The following CCDC93 variants were observed in gnomAD, a reference collection of about 807,000 sequenced individuals.
CCDC93 encodes CCC complex scaffolding subunit CCDC93, also known as coiled-coil domain-containing protein 93.
CCDC93 carries 61 observed loss-of-function variants against 108.2 expected under a neutral mutation model. The ratio of observed to expected loss-of-function variants is 0.56; its 90% CI spans 0.46 to 0.70. The LOEUF is 0.70. Among genes scored for constraint, CCDC93 ranks in the 30% least tolerant of loss-of-function variants. The pLI is 0.00. For synonymous variants in CCDC93, 276 were observed against 260.4 expected (o/e 1.06, Z -0.58); for missense variants, 685 against 764.2 (o/e 0.90, Z 1.22).
At chr2:117,979,149 C>T (rs993062528) in intron 7 of CCDC93, among the ~76,000 whole-genome samples, 2 of 152,208 alleles carry the variant, frequency 1.3e-5, no homozygotes, top group African/African-American at 4.8e-5. Flanking sequence ...TCTGCATTGG[C>T]CTGATGCACA....
intron 1 of CCDC93, among the ~76,000 whole-genome samples, chr2:118,009,467 TTGAGACCAGCC>T (rs1253221562): frequency 6.6e-5 from 10 of 152,096 alleles, no homozygotes; most frequent in African/African-American, 2.4e-4. Flanking sequence ...GGTCAGGAGT[TTGAGACCAGCC>T]TGGCCAACAT....
chr2:117,926,673 C>T (rs866484140), intron 23 of CCDC93, among the ~76,000 whole-genome samples: 107 of 152,280 alleles, frequency 7.0e-4, no homozygotes, highest in Middle Eastern at 6.8e-3. Context: ...GATTCACAGC[C>T]AAATTCTACC....
At chr2:118,010,067 G>A (rs76545294) in intron 1 of CCDC93, among the ~76,000 whole-genome samples, 9,331 of 151,892 alleles carry the variant, frequency 0.061, 319 homozygotes, top group Middle Eastern at 0.15. Context: ...TCAGCTTCCC[G>A]AGTTGCTGGG....
chr2:117,955,666 C>T (rs2104751698), intron 12 of CCDC93, among the ~76,000 whole-genome samples: 1 of 152,198 alleles, frequency 6.6e-6, no homozygotes, highest in South Asian at 2.1e-4. Context: ...AGGAAAATAA[C>T]AGTACCTCCC....
chr2:117,973,581 C>G (rs1013400259), intron 11 of CCDC93, among the ~76,000 whole-genome samples: 2 of 152,056 alleles, frequency 1.3e-5, no homozygotes, highest in Non-Finnish European at 2.9e-5. Flanking sequence ...CAAACTGAGC[C>G]CAAGTTATAA....
chr2:117,922,467 G>A (rs1677902878), intron 23 of CCDC93, among the ~76,000 whole-genome samples: 1 of 152,158 alleles, frequency 6.6e-6, no homozygotes, highest in Admixed American at 6.5e-5. Flanking sequence ...CCGAAAGCCA[G>A]CTTCACAAAA....
intron 18 of CCDC93, among the ~76,000 whole-genome samples, chr2:117,943,075 T>C (rs112543390): frequency 6.6e-6 from 1 of 152,334 alleles, no homozygotes; most frequent in East Asian, 1.9e-4. Context: ...TTCATTTCCA[T>C]GCATTCTACA....
chr2:117,950,708 C>G, intron 13 of CCDC93: 1 of 985,158 alleles, frequency 1.0e-6, no homozygotes, highest in Non-Finnish European at 1.2e-6. Flanking sequence ...ACATTAATTA[C>G]GCACAGGCTG....
chr2:117,943,541 A>G (rs1008177911), intron 18 of CCDC93, among the ~76,000 whole-genome samples: 3 of 152,208 alleles, frequency 2.0e-5, no homozygotes, highest in African/African-American at 7.2e-5. Flanking sequence ...CCTCCCAGGG[A>G]ACAGAAGGTT....
At chr2:117,938,210 A>C (rs907342784) in intron 20 of CCDC93, among the ~76,000 whole-genome samples, 3 of 152,220 alleles carry the variant, frequency 2.0e-5, no homozygotes, top group Non-Finnish European at 4.4e-5. Flanking sequence ...GTGAGAAAAA[A>C]GAGGCCACAT....
rs1245922786 is a variant in CCDC93 at position 118,014,012 on chromosome 2, C to T, written c.-17G>A. On this transcript the variant is annotated 5_prime_UTR_variant, in exon 1 of 24. Coordinates refer to ENST00000376300, the MANE Select transcript of CCDC93 (RefSeq NM_019044.5). Reference sequence around the variant, plus strand: ...CAACCCCATGATCCGACCGGGCTGTCGTAAGGCGAGAGCGAAGCCCGCCAA... The same window carrying T: ...CAACCCCATGATCCGACCGGGCTGTTGTAAGGCGAGAGCGAAGCCCGCCAA... The T allele has an allele frequency of 6.3e-7, 1 of 1,593,618 alleles. No homozygotes were observed. Among genetic ancestry groups the T allele is most frequent in the Non-Finnish European group, 8.5e-7 (1 of 1,171,564 alleles).
At chr2:117,920,459 G>C in intron 23 of CCDC93, 63 bp from the exon 24 acceptor site, 1 of 1,193,514 alleles carries the variant, frequency 8.4e-7, no homozygotes, top group Non-Finnish European at 1.2e-6. Flanking sequence ...GTGAGGCCAA[G>C]ATGGTCTCAA....
At chr2:117,960,368 G>A (rs148699166) in intron 11 of CCDC93, among the ~76,000 whole-genome samples, 10 of 152,286 alleles carry the variant, frequency 6.6e-5, no homozygotes, top group South Asian at 6.2e-4. Flanking sequence ...GTGGATCCAC[G>A]TATCACTCAC....
intron 8 of CCDC93, 33 bp from the exon 9 acceptor site, chr2:117,975,313 G>A (rs1297028701): frequency 1.3e-5 from 19 of 1,473,144 alleles, no homozygotes; most frequent in Admixed American, 1.7e-5. Flanking sequence ...AGCTGAGCAC[G>A]GGAGATGGAG....
intron 23 of CCDC93, among the ~76,000 whole-genome samples, chr2:117,924,069 C>T (rs1035580696): frequency 9.2e-5 from 14 of 152,224 alleles, no homozygotes; most frequent in African/African-American, 3.4e-4. Context: ...GCTGAGGGTC[C>T]TGTCTGTTAG....
chr2:117,924,827 T>A (rs1404399431), intron 23 of CCDC93, among the ~76,000 whole-genome samples: 3 of 152,138 alleles, frequency 2.0e-5, no homozygotes, highest in South Asian at 4.1e-4. Flanking sequence ...CACATAATTG[T>A]CAGATTCACC....
chr2:117,956,458 G>A (rs569902195), intron 12 of CCDC93, among the ~76,000 whole-genome samples: 6 of 152,220 alleles, frequency 3.9e-5, no homozygotes, highest in Non-Finnish European at 5.9e-5. Context: ...GCAAATGTCC[G>A]TTCCTGCTGG....
intron 23 of CCDC93, among the ~76,000 whole-genome samples, chr2:117,928,811 G>A (rs531616794): frequency 3.9e-4 from 60 of 152,272 alleles, no homozygotes; most frequent in African/African-American, 1.1e-3. Context: ...ACATGCACAC[G>A]TATGTTTATT....
rs1449622974 is a variant in CCDC93, at chr2:117,916,567, C to T, written c.*3776G>A. 1 of 152,198 alleles carries T rather than the reference C, an allele frequency of 6.6e-6. No individual in the cohort carries two copies. The highest frequency in any genetic ancestry group is 1.9e-4 in the East Asian group (1 of 5,192). 9.4% of individuals were successfully genotyped at this position (152,198 alleles called of 1,614,324 possible). A position where few individuals can be genotyped will look rare whatever the true frequency, so the allele number is the denominator to read the frequency against. The stretch of plus-strand genomic sequence containing the variant: ...AAGCCATTTTATCCAACCGGAATTT[C>T]CCAGTCAGTCATCTACCTTGAGCTA... On this transcript the variant is annotated 3_prime_UTR_variant, in exon 24 of 24. Transcript: ENST00000376300.
Sources: gnomAD v4.1 joint callset for allele counts (sites outside exome capture counted in the v4.1 genomes callset) on GRCh38, gnomAD v4.1.1 for gene constraint, MANE v1.5 for transcripts, NCBI Gene and HGNC (gene_info 2026-07-23, HGNC 2026-07-21) for gene names.